Variants in RASSF5 observed in about 807,000 individuals in gnomAD.
RASSF5 encodes ras association domain-containing protein 5.
A neutral mutation model predicts 40.5 loss-of-function variants in RASSF5; 25 were observed. The observed-to-expected ratio is 0.62, with a 90% CI of 0.45 to 0.86. The LOEUF (loss-of-function observed/expected upper bound fraction) is 0.86. RASSF5 is among the 40% of genes least tolerant of loss of function. The pLI, the probability that RASSF5 is intolerant of heterozygous loss-of-function variation, is 0.00. For synonymous variants in RASSF5, 246 were observed against 252.4 expected, an observed-to-expected ratio of 0.97 and a Z score of 0.24; for missense variants, 521 against 572.8, an observed-to-expected ratio of 0.91 and a Z score of 0.92.
chr1:206,544,170 C>T (rs1667616830), intron 2 of RASSF5: 1 of 152,136 alleles, frequency 6.6e-6, no homozygotes, highest in Non-Finnish European at 1.5e-5. Context: ...GACATATGAG[C>T]CAGGACAAGC....
At chr1:206,545,083 AC>A (rs1553399951) in intron 2 of RASSF5, among the ~76,000 whole-genome samples, 1 of 151,922 alleles carries the variant, frequency 6.6e-6, no homozygotes, top group East Asian at 1.9e-4. Context: ...TGATAGACCT[AC>A]CTGCACATCT....
chr1:206,586,979 C>T lies in RASSF5; in HGVS notation c.*1C>T, dbSNP rs1553407799. 6.2e-7 allele frequency: 1 copy of T among 1,613,992 alleles called. No individual in the cohort carries two copies. The highest frequency in any genetic ancestry group is 1.3e-5 in the African/African-American group (1 of 74,928). On this transcript the variant is annotated 3_prime_UTR_variant, in exon 6 of 6. Coordinates refer to ENST00000579436, the MANE Select transcript of RASSF5 (RefSeq NM_182663.4). ...AGAATCCCAGGGCAAACCTGGGTAA[C>T]CGGTCCTGCTTCCTCTCCTCCTGGT...
At chr1:206,563,081 T>C (rs1668190808) in intron 2 of RASSF5, among the ~76,000 whole-genome samples, 1 of 152,098 alleles carries the variant, frequency 6.6e-6, no homozygotes, top group East Asian at 1.9e-4. Flanking sequence ...CTTAAAAAAG[T>C]TAGATTGGCA....
At chr1:206,570,691 T>C (rs1482303563) in intron 2 of RASSF5, among the ~76,000 whole-genome samples, 1 of 152,072 alleles carries the variant, frequency 6.6e-6, no homozygotes, top group Non-Finnish European at 1.5e-5. Context: ...CTTAGCTTAA[T>C]GTTTTCAAGG....
At position 206,509,372 on chromosome 1, in the gene RASSF5, G is replaced by T. The variant is rs575358307; in HGVS notation, c.457+1313G>T. On this transcript the variant is annotated intron_variant, in intron 1 of 5. Transcript: ENST00000579436. ...AAGATTGGAAGGGCAAGTGGGTGCT[G>T]CTCTTTCCTCCACCAGAACCCCCAG... Among the ~76,000 whole-genome samples, 18 of 152,358 alleles carry T rather than the reference G, an allele frequency of 1.2e-4. No homozygotes were observed. In the South Asian group the frequency reaches 1.2e-3, roughly 11 times the overall value.
intron 2 of RASSF5, among the ~76,000 whole-genome samples, chr1:206,559,168 T>C (rs1668073868): frequency 6.6e-6 from 1 of 152,236 alleles, no homozygotes; most frequent in African/African-American, 2.4e-5. Flanking sequence ...AATTCTGATA[T>C]ACAGTTGAGG....
chr1:206,551,720 C>T (rs1408008350), intron 2 of RASSF5, among the ~76,000 whole-genome samples: 3 of 152,250 alleles, frequency 2.0e-5, no homozygotes, highest in Non-Finnish European at 2.9e-5. Flanking sequence ...TTTCTCTGGG[C>T]TCTTCACAGC....
intron 2 of RASSF5, among the ~76,000 whole-genome samples, chr1:206,568,517 C>T (rs540971895): frequency 6.6e-6 from 1 of 152,270 alleles, no homozygotes; most frequent in East Asian, 1.9e-4. Flanking sequence ...ATGCGGGGTG[C>T]TGGGTACTGA....
intron 2 of RASSF5, among the ~76,000 whole-genome samples, chr1:206,574,235 G>A (rs1366225840): frequency 6.6e-6 from 1 of 152,204 alleles, no homozygotes; most frequent in Non-Finnish European, 1.5e-5. Context: ...GAGTCTGCGG[G>A]AGTGGCCTGA....
At chr1:206,523,373 ATAT>A (rs1221014772) in intron 1 of RASSF5, among the ~76,000 whole-genome samples, 2 of 125,742 alleles carry the variant, frequency 1.6e-5, no homozygotes, top group Non-Finnish European at 3.2e-5. Context: ...TATAATATAA[ATAT>A]TATATTATAT....
chr1:206,522,641 A>G (rs1390921501), intron 1 of RASSF5, among the ~76,000 whole-genome samples: 1 of 152,098 alleles, frequency 6.6e-6, no homozygotes, highest in Non-Finnish European at 1.5e-5. Flanking sequence ...TGTGATGTGC[A>G]CTGAGGGCCT....
At chr1:206,568,503 G>C (rs1553403700) in intron 2 of RASSF5, among the ~76,000 whole-genome samples, 1 of 152,184 alleles carries the variant, frequency 6.6e-6, no homozygotes, top group African/African-American at 2.4e-5. Context: ...TGGGCGGTGT[G>C]GGTATGCGGG....
At chr1:206,510,814 G>C (rs1054256262) in intron 1 of RASSF5, among the ~76,000 whole-genome samples, 1 of 152,120 alleles carries the variant, frequency 6.6e-6, no homozygotes, top group Non-Finnish European at 1.5e-5. Flanking sequence ...CCCAGAGCAG[G>C]GTCTCACTAT....
At chr1:206,576,511 G>A (rs1179574141) in intron 2 of RASSF5, among the ~76,000 whole-genome samples, 1 of 152,192 alleles carries the variant, frequency 6.6e-6, no homozygotes, top group Non-Finnish European at 1.5e-5. Flanking sequence ...AAGTTACAAA[G>A]GCCCATTAAC....
chr1:206,586,733 GAA>G lies in RASSF5; in HGVS notation c.1105-92_1105-91del, dbSNP rs1455081830. On this transcript the variant is annotated intron_variant, in intron 5 of 5. Coordinates refer to ENST00000579436, the MANE Select transcript of RASSF5 (RefSeq NM_182663.4). ...TGTGTGAATCACGGATGTGAACTGGGAAGGGGAAGGCAGCAGGGTCTCTCAGG... is the reference window on the plus strand; with the variant it reads ...TGTGTGAATCACGGATGTGAACTGGGGGGGAAGGCAGCAGGGTCTCTCAGG... 47 of 949,686 alleles carry G rather than the reference GAA, an allele frequency of 4.9e-5. No individual in the cohort carries two copies. In the Admixed American group the frequency reaches 9.2e-4, roughly 19 times the overall value. 58.8% of individuals were successfully genotyped at this position (949,686 alleles called of 1,614,324 possible).
intron 2 of RASSF5, chr1:206,557,343 G>A: frequency 7.8e-7 from 1 of 1,289,758 alleles, no homozygotes. Context: ...CAGGCGGCGC[G>A]GGGACAGGAG....
chr1:206,525,514 TC>T (rs1439622487), intron 1 of RASSF5, among the ~76,000 whole-genome samples: 9 of 152,138 alleles, frequency 5.9e-5, no homozygotes, highest in African/African-American at 2.2e-4. Context: ...GCTTGAGCCA[TC>T]CTCTCGCCTC....
rs542470959 is a variant in RASSF5 at position 206,531,079 on chromosome 1, A to G, written c.458-7093A>G. On this transcript the variant is annotated intron_variant, in intron 1 of 5. Coordinates refer to ENST00000579436, the MANE Select transcript of RASSF5 (RefSeq NM_182663.4). This position sits in a 1 kb window ranked among gnomAD's most constrained non-coding sequence, Gnocchi z 4.7. ...ACATAACATTCTCATTTGATTCTCA[A>G]CAACCGTACTGCTATCATCTCCATT... Among the ~76,000 whole-genome samples, 1 of 152,352 alleles carries G rather than the reference A, an allele frequency of 6.6e-6. No homozygotes were observed. The highest frequency in any genetic ancestry group is 1.5e-5 in the Non-Finnish European group (1 of 68,032).
intron 1 of RASSF5, chr1:206,529,755 A>C: frequency 9.0e-6 from 4 of 444,910 alleles, no homozygotes; most frequent in Non-Finnish European, 1.6e-5. Flanking sequence ...AAATACTACA[A>C]TTTTTCCTTC....
Sources: allele counts gnomAD v4.1 joint callset (sites outside exome capture counted in the v4.1 genomes callset), GRCh38; gene constraint gnomAD v4.1.1; non-coding constraint Gnocchi (gnomAD v3.1); transcripts MANE v1.5; gene names NCBI Gene and HGNC (gene_info 2026-07-23, HGNC 2026-07-21).